The following GPHN variants were observed in gnomAD, a reference collection of about 807,000 sequenced individuals.
GPHN encodes gephyrin.
Under a neutral mutation model 95.5 loss-of-function variants are expected in GPHN, and 17 were observed. The ratio of observed to expected loss-of-function variants is 0.18; its 90% CI spans 0.12 to 0.27. The LOEUF (loss-of-function observed/expected upper bound fraction) is 0.27, where lower values mean the gene tolerates loss of function less well. GPHN is among the 10% of genes least tolerant of loss of function. The probability of loss-of-function intolerance (pLI) is 1.00; values close to 1 mark genes in which losing one functional copy is unlikely to be tolerated. For synonymous variants in GPHN, 320 were observed against 322.5 expected, an observed-to-expected ratio of 0.99 and a Z score of 0.08; for missense variants, 660 against 978.1, an observed-to-expected ratio of 0.67 and a Z score of 4.34.
At chr14:66,681,946 A>G (rs1057238794) in intron 2 of GPHN, among the ~76,000 whole-genome samples, 1 of 152,210 alleles carries the variant, frequency 6.6e-6, no homozygotes, top group African/African-American at 2.4e-5. Flanking sequence ...AATGCATACA[A>G]TTAAATATGT....
the GPHN span, among the ~76,000 whole-genome samples, chr14:67,445,007 C>T: frequency 5.3e-5 from 8 of 152,104 alleles, no homozygotes; most frequent in South Asian, 2.1e-4. Flanking sequence ...GTGATCTGCC[C>T]GCCTCGGCCT....
the GPHN span, chr14:67,388,344 CA>C: frequency 2.4e-6 from 3 of 1,265,366 alleles, no homozygotes; most frequent in South Asian, 3.6e-5. Context: ...TGTGAATGAA[CA>C]AAAGGGAAGA....
At chr14:67,551,434 C>T in the GPHN span, among the ~76,000 whole-genome samples, 5 of 152,228 alleles carry the variant, frequency 3.3e-5, no homozygotes, top group East Asian at 9.6e-4. Flanking sequence ...ATCTTCACAA[C>T]GATCCTAGGA....
In GPHN at chr14:66,922,764, T is replaced by G; in HGVS notation, c.555T>G (p.Asp185Glu). Residue 185 changes from aspartate (D) to glutamate (E), a missense_variant, in exon 7 of 23, where the codon GAT (aspartate) becomes GAG (glutamate). This residue lies in a region of GPHN where 190 missense variants were observed against 224.7 expected (regional missense o/e 0.85). Coordinates refer to ENST00000478722, the MANE Select transcript of GPHN (RefSeq NM_020806.5). ...KVKEVHDELEDLPSPPPPLSP... is the reference protein window; with the variant it reads ...KVKEVHDELEELPSPPPPLSP... ...AGGAGGTGCATGATGAACTTGAAGATTTGCCTTCCCCACCTCCCCCTCTTT... is the reference window on the plus strand; with the variant it reads ...AGGAGGTGCATGATGAACTTGAAGAGTTGCCTTCCCCACCTCCCCCTCTTT... 6.2e-7 allele frequency: 1 copy of G among 1,613,804 alleles called. No homozygotes were observed. The highest frequency in any genetic ancestry group is 8.5e-7 in the Non-Finnish European group (1 of 1,179,730).
At chr14:67,287,722 A>G in the GPHN span, among the ~76,000 whole-genome samples, 1 of 152,222 alleles carries the variant, frequency 6.6e-6, no homozygotes, top group African/African-American at 2.4e-5. Flanking sequence ...GAATTGGAAA[A>G]TAGGTTGCAA....
chr14:67,572,351 CAT>C, the GPHN span: 1 of 1,290,070 alleles, frequency 7.8e-7, no homozygotes, highest in Non-Finnish European at 1.0e-6. Flanking sequence ...CAGCACAAGA[CAT>C]AGGCAGTAGC....
intron 10 of GPHN, among the ~76,000 whole-genome samples, chr14:67,045,547 GTCTC>G (rs1415210993): frequency 6.7e-6 from 1 of 149,494 alleles, no homozygotes; most frequent in African/African-American, 2.5e-5. Flanking sequence ...CTCTGTGTGT[GTCTC>G]TCTCTGTCTC....
At chr14:67,248,375 A>T in the GPHN span, among the ~76,000 whole-genome samples, 1 of 152,144 alleles carries the variant, frequency 6.6e-6, no homozygotes, top group Non-Finnish European at 1.5e-5. Flanking sequence ...AGGAAACCAA[A>T]TATAAGATTT....
At chr14:66,993,815 T>A (rs1217323940) in intron 9 of GPHN, among the ~76,000 whole-genome samples, 7 of 152,158 alleles carry the variant, frequency 4.6e-5, no homozygotes, top group African/African-American at 1.7e-4. Context: ...TGAGCCTTCC[T>A]TGTTTGGCAT....
At chr14:67,654,782 C>T in the GPHN span, among the ~76,000 whole-genome samples, 2 of 152,176 alleles carry the variant, frequency 1.3e-5, no homozygotes, top group South Asian at 4.2e-4. Context: ...ATAATTCTAG[C>T]ACTTTGGGAG....
chr14:66,624,645 T>G (rs1039587544), intron 1 of GPHN, among the ~76,000 whole-genome samples: 2 of 152,212 alleles, frequency 1.3e-5, no homozygotes, highest in Non-Finnish European at 2.9e-5. Flanking sequence ...TCAGTCTGTG[T>G]GCCAAATTTG....
intron 20 of GPHN, among the ~76,000 whole-genome samples, chr14:67,166,434 T>C (rs1180884206): frequency 2.0e-5 from 3 of 152,210 alleles, no homozygotes; most frequent in Non-Finnish European, 4.4e-5. Context: ...AGAATGTTAC[T>C]GTGGGAGCCT....
At chr14:67,542,074 GC>G in the GPHN span, 1 of 1,330,214 alleles carries the variant, frequency 7.5e-7, no homozygotes, top group Non-Finnish European at 1.0e-6. Context: ...AGGGAGAGTT[GC>G]GGAAAGTCAA....
chr14:67,240,642 C>T, the GPHN span, among the ~76,000 whole-genome samples: 1 of 152,232 alleles, frequency 6.6e-6, no homozygotes, highest in African/African-American at 2.4e-5. Flanking sequence ...CTCCTTAGAA[C>T]GTCCTCCAAT....
At chr14:66,741,863 T>C (rs986268173) in intron 2 of GPHN, among the ~76,000 whole-genome samples, 2 of 152,170 alleles carry the variant, frequency 1.3e-5, no homozygotes, top group African/African-American at 2.4e-5. Context: ...TATTGTCCAA[T>C]TGATTCATGA....
At chr14:67,139,463 A>G (rs1228463878) in intron 17 of GPHN, among the ~76,000 whole-genome samples, 1 of 152,038 alleles carries the variant, frequency 6.6e-6, no homozygotes, top group Non-Finnish European at 1.5e-5. Context: ...CTTTTATGGT[A>G]TATTACATGC....
the GPHN span, chr14:67,333,942 T>C: frequency 6.6e-6 from 1 of 152,628 alleles, no homozygotes; most frequent in South Asian, 2.1e-4. Flanking sequence ...ATATAGGTAA[T>C]AAACTGGAAT....
the GPHN span, chr14:67,656,464 T>C: frequency 1.9e-6 from 3 of 1,613,834 alleles, no homozygotes; most frequent in Non-Finnish European, 2.5e-6. Context: ...CCAGCTCTTC[T>C]ATGATTTCTG....
At chr14:66,848,738 C>T (rs2153514329) in intron 4 of GPHN, among the ~76,000 whole-genome samples, 1 of 151,926 alleles carries the variant, frequency 6.6e-6, no homozygotes, top group East Asian at 1.9e-4. Flanking sequence ...TAAAATAACT[C>T]CTTTTTTACT....
Sources: allele counts gnomAD v4.1 joint callset (sites outside exome capture counted in the v4.1 genomes callset), GRCh38; gene constraint gnomAD v4.1.1; regional missense constraint gnomAD v4.1.1; transcripts MANE v1.5; gene names NCBI Gene and HGNC (gene_info 2026-07-23, HGNC 2026-07-21).